The following PEX5L variants were observed in gnomAD, a reference collection of about 807,000 sequenced individuals.
PEX5L encodes the protein PEX5-related protein.
PEX5L carries 30 observed loss-of-function variants against 84.0 expected under a neutral mutation model. The ratio of observed to expected loss-of-function variants is 0.36; its 90% CI spans 0.27 to 0.48. The LOEUF (loss-of-function observed/expected upper bound fraction) is 0.48, where lower values mean the gene tolerates loss of function less well. Among genes scored for constraint, PEX5L ranks in the 20% least tolerant of loss-of-function variants. PEX5L has a pLI of 0.99. For missense variants in PEX5L, 533 were observed against 754.6 expected (o/e 0.71, Z 3.44); for synonymous variants, 270 against 283.1 (o/e 0.95, Z 0.46).
At chr3:179,999,540 C>T (rs1044919764) in intron 1 of PEX5L, among the ~76,000 whole-genome samples, 8 of 152,288 alleles carry the variant, frequency 5.3e-5, no homozygotes, top group South Asian at 2.1e-4. Flanking sequence ...CACCATTCCT[C>T]GGGGTGATCA....
At chr3:179,839,855 GTTC>G (rs1736382350) in intron 8 of PEX5L, among the ~76,000 whole-genome samples, 1 of 152,180 alleles carries the variant, frequency 6.6e-6, no homozygotes, top group African/African-American at 2.4e-5. Context: ...AATTATGGAA[GTTC>G]TTTTTGTTTG....
intron 1 of PEX5L, chr3:179,973,573 GCCT>G (rs1262194320): frequency 2.0e-6 from 2 of 978,504 alleles, no homozygotes; most frequent in African/African-American, 1.8e-5. Context: ...GGACTCTTCA[GCCT>G]CCTCATCATA....
intron 8 of PEX5L, among the ~76,000 whole-genome samples, chr3:179,844,157 T>G (rs1008376532): frequency 6.6e-6 from 1 of 152,154 alleles, no homozygotes; most frequent in African/African-American, 2.4e-5. Context: ...CTGTATATAT[T>G]TGAGTGCGTG....
chr3:179,908,466 T>A (rs1252912592), intron 2 of PEX5L, among the ~76,000 whole-genome samples: 3 of 152,218 alleles, frequency 2.0e-5, no homozygotes, highest in Non-Finnish European at 4.4e-5. Flanking sequence ...GTTTTATCTT[T>A]TTTTATTTTA....
chr3:180,023,655 C>A (rs571036113), intron 1 of PEX5L, among the ~76,000 whole-genome samples: 1 of 152,154 alleles, frequency 6.6e-6, no homozygotes, highest in East Asian at 1.9e-4. Context: ...TTTAAAGAGA[C>A]CATCCTCTAT....
chr3:180,016,413 A>C (rs1789951360), intron 1 of PEX5L, among the ~76,000 whole-genome samples: 1 of 152,174 alleles, frequency 6.6e-6, no homozygotes, highest in Non-Finnish European at 1.5e-5. Flanking sequence ...GAAATTTCTA[A>C]TTTAAAATAG....
intron 1 of PEX5L, among the ~76,000 whole-genome samples, chr3:180,034,102 T>C (rs939824): frequency 0.18 from 27,736 of 152,136 alleles, 2,674 homozygotes; most frequent in African/African-American, 0.25. Context: ...AGTTTTAAAT[T>C]AGACTATTTT....
At chr3:179,972,738 C>T (rs1008483373) in intron 1 of PEX5L, among the ~76,000 whole-genome samples, 1 of 152,000 alleles carries the variant, frequency 6.6e-6, no homozygotes, top group South Asian at 2.1e-4. Flanking sequence ...GAGCACAATT[C>T]TTATTTTTTC....
chr3:179,935,485 C>A (rs564429779), intron 2 of PEX5L, among the ~76,000 whole-genome samples: 3 of 151,844 alleles, frequency 2.0e-5, no homozygotes, highest in African/African-American at 7.2e-5. Context: ...CCACCCCATG[C>A]GGGATGTGCT....
At chr3:179,935,170 T>C (rs1774241742) in intron 2 of PEX5L, among the ~76,000 whole-genome samples, 1 of 152,128 alleles carries the variant, frequency 6.6e-6, no homozygotes, top group African/African-American at 2.4e-5. Flanking sequence ...ACAAAAATGA[T>C]ACTTTTGAAT....
rs140203249 is a variant in PEX5L at position 179,972,247 on chromosome 3, T to G, written c.22-582A>C. 4.0e-3 allele frequency among the ~76,000 whole-genome samples: 613 copies of G among 152,006 alleles called. 10 individuals carry two copies. Among genetic ancestry groups the G allele is most frequent in the African/African-American group, 0.014 (588 of 41,540 alleles). On this transcript the variant is annotated intron_variant, in intron 1 of 14. Coordinates refer to ENST00000467460, the MANE Select transcript of PEX5L (RefSeq NM_016559.3). Reference sequence around the variant, plus strand: ...TTACAAAATTAGGTATTCGAAAAGTTGGAGGACAGACTATTTTAAGAGTTT... The same window carrying G: ...TTACAAAATTAGGTATTCGAAAAGTGGGAGGACAGACTATTTTAAGAGTTT...
intron 8 of PEX5L, among the ~76,000 whole-genome samples, chr3:179,840,184 T>TGTG (rs1553850525): frequency 8.6e-3 from 251 of 29,146 alleles, no homozygotes; most frequent in African/African-American, 0.022. Flanking sequence ...TGTGTGTGTG[T>TGTG]TTTTTTTTTT....
chr3:180,004,127 A>G (rs528274702), intron 1 of PEX5L, among the ~76,000 whole-genome samples: 2 of 152,238 alleles, frequency 1.3e-5, no homozygotes, highest in South Asian at 4.2e-4. Flanking sequence ...CTACAAATTT[A>G]TTTTTTGCCG....
intron 2 of PEX5L, among the ~76,000 whole-genome samples, chr3:179,958,513 TGTAA>T (rs1354527459): frequency 6.6e-6 from 1 of 152,210 alleles, no homozygotes; most frequent in Non-Finnish European, 1.5e-5. Flanking sequence ...CTAAATGCTG[TGTAA>T]GTGTGTCTTG....
intron 8 of PEX5L, among the ~76,000 whole-genome samples, chr3:179,856,714 C>G (rs988726364): frequency 2.6e-5 from 4 of 152,186 alleles, no homozygotes; most frequent in Non-Finnish European, 5.9e-5. Context: ...TTCTCCACAC[C>G]TGTTCACACC....
chr3:179,934,601 A>G (rs1578655726), intron 2 of PEX5L, among the ~76,000 whole-genome samples: 1 of 152,336 alleles, frequency 6.6e-6, no homozygotes, highest in East Asian at 1.9e-4. Context: ...TATTGTTTTC[A>G]AAGTCTATAC....
At chr3:179,905,755 C>T (rs896424351) in intron 2 of PEX5L, among the ~76,000 whole-genome samples, 20 of 152,008 alleles carry the variant, frequency 1.3e-4, no homozygotes, top group Non-Finnish European at 2.5e-4. Context: ...CTCCTTGGGA[C>T]CTTGTTATTA....
intron 2 of PEX5L, among the ~76,000 whole-genome samples, chr3:179,937,052 C>G (rs1454063287): frequency 6.6e-6 from 1 of 151,968 alleles, no homozygotes; most frequent in South Asian, 2.1e-4. Context: ...TCAGTCAATA[C>G]GTTTATTGTG....
chr3:179,956,919 CTTCTT>C (rs1314994025), intron 2 of PEX5L, among the ~76,000 whole-genome samples: 1 of 151,962 alleles, frequency 6.6e-6, no homozygotes, highest in Admixed American at 6.6e-5. Context: ...TTTGCAATCC[CTTCTT>C]TTCCTCTTTA....
Sources: gnomAD v4.1 joint callset for allele counts (sites outside exome capture counted in the v4.1 genomes callset) on GRCh38, gnomAD v4.1.1 for gene constraint, MANE v1.5 for transcripts, NCBI Gene and HGNC (gene_info 2026-07-23, HGNC 2026-07-21) for gene names.